The following MTUS2 variants were observed in gnomAD, a reference collection of about 807,000 sequenced individuals.
MTUS2 encodes the protein microtubule associated scaffold protein 2.
Under a neutral mutation model 114.1 loss-of-function variants are expected in MTUS2, and 40 were observed. The observed-to-expected ratio is 0.35, with a 90% CI of 0.27 to 0.46. The LOEUF is 0.46. Among genes scored for constraint, MTUS2 ranks in the 20% least tolerant of loss-of-function variants. MTUS2 has a pLI of 1.00. For missense variants in MTUS2, 1,679 were observed against 1,705.4 expected (o/e 0.98, Z 0.27); for synonymous variants, 688 against 672.0 (o/e 1.02, Z -0.37).
At chr13:29,444,488 G>A (rs1031423692) in intron 9 of MTUS2, among the ~76,000 whole-genome samples, 1 of 152,240 alleles carries the variant, frequency 6.6e-6, no homozygotes, top group African/African-American at 2.4e-5. Context: ...CTTTGTCTGT[G>A]TTCACAGGCC....
chr13:29,461,692 C>T (rs1566214288), intron 9 of MTUS2, among the ~76,000 whole-genome samples: 1 of 152,116 alleles, frequency 6.6e-6, no homozygotes. Context: ...AGGCAGAAAC[C>T]ACACCAGATA....
intron 2 of MTUS2, among the ~76,000 whole-genome samples, chr13:29,003,627 A>G (rs576857380): frequency 1.3e-5 from 2 of 152,192 alleles, no homozygotes; most frequent in Admixed American, 1.3e-4. Context: ...AAAAATATGC[A>G]GTGTTTTCCC....
rs945954276 is a variant in MTUS2, at chr13:29,024,600, G to A, written c.-99G>A. On this transcript the variant is annotated 5_prime_UTR_variant, in exon 3 of 16. Transcript: ENST00000612955. Reference sequence around the variant, plus strand: ...AGGTGACATTGTCAGGGGAGAACAAGCAGCTTGAGAATTTCCTCTTAATCT... The same window carrying A: ...AGGTGACATTGTCAGGGGAGAACAAACAGCTTGAGAATTTCCTCTTAATCT... 4 of 1,426,182 alleles carry A rather than the reference G, an allele frequency of 2.8e-6. No individual in the cohort carries two copies. The Admixed American group carries it at 6.3e-5, about 22-fold the overall frequency. The allele number at this position is 1,426,182 out of a possible 1,614,324, so 88.3% of individuals were successfully genotyped here.
chr13:29,178,069 C>T (rs1265306100), intron 5 of MTUS2, among the ~76,000 whole-genome samples: 6 of 152,154 alleles, frequency 3.9e-5, no homozygotes, highest in Non-Finnish European at 8.8e-5. Flanking sequence ...TGGTTGGCTG[C>T]AGTCCTTCAT....
intron 2 of MTUS2, among the ~76,000 whole-genome samples, chr13:28,872,295 C>T (rs1458044662): frequency 6.6e-6 from 1 of 151,808 alleles, no homozygotes. Context: ...TTGAACAGCA[C>T]TCCTAGGTTT....
intron 1 of MTUS2, among the ~76,000 whole-genome samples, chr13:28,831,483 G>A (rs1266595635): frequency 6.6e-6 from 1 of 152,144 alleles, no homozygotes; most frequent in Non-Finnish European, 1.5e-5. Flanking sequence ...AATAAAAGGA[G>A]AGCTGGAATG....
At chr13:29,137,414 G>A (rs952786822) in intron 5 of MTUS2, among the ~76,000 whole-genome samples, 1 of 151,490 alleles carries the variant, frequency 6.6e-6, no homozygotes, top group African/African-American at 2.4e-5. Context: ...GGGGATTTTT[G>A]GCCATTATTT....
intron 10 of MTUS2, among the ~76,000 whole-genome samples, chr13:29,487,021 T>C (rs1271004522): frequency 6.6e-6 from 1 of 152,024 alleles, no homozygotes. Flanking sequence ...TCAGGAAACA[T>C]GAAAATGAAG....
intron 4 of MTUS2, among the ~76,000 whole-genome samples, chr13:29,094,283 T>G (rs990279010): frequency 6.6e-6 from 1 of 152,138 alleles, no homozygotes; most frequent in African/African-American, 2.4e-5. Flanking sequence ...ATATTAATTC[T>G]TCTTTAAATG....
At chr13:29,457,706 T>C (rs2138773607) in intron 9 of MTUS2, among the ~76,000 whole-genome samples, 2 of 152,262 alleles carry the variant, frequency 1.3e-5, no homozygotes, top group African/African-American at 4.8e-5. Flanking sequence ...AGTTTAACAT[T>C]AGAGAAAACA....
intron 5 of MTUS2, among the ~76,000 whole-genome samples, chr13:29,108,055 T>C (rs983562157): frequency 1.2e-4 from 19 of 152,232 alleles, no homozygotes; most frequent in Non-Finnish European, 2.2e-4. Context: ...ATGAATACTA[T>C]AAAATACATT....
At chr13:29,491,132 G>A (rs1882041985) in intron 11 of MTUS2, among the ~76,000 whole-genome samples, 1 of 150,402 alleles carries the variant, frequency 6.6e-6, no homozygotes, top group African/African-American at 2.4e-5. Context: ...GGGTGTGCAT[G>A]TGTGTGTATA....
intron 7 of MTUS2, among the ~76,000 whole-genome samples, chr13:29,351,891 A>G (rs563532262): frequency 6.6e-6 from 1 of 152,040 alleles, no homozygotes; most frequent in African/African-American, 2.4e-5. Flanking sequence ...CTGGGATTAC[A>G]GGCATGAGTG....
chr13:29,381,664 A>G (rs759524158), intron 8 of MTUS2, among the ~76,000 whole-genome samples: 3 of 152,146 alleles, frequency 2.0e-5, no homozygotes, highest in Admixed American at 6.6e-5. Flanking sequence ...TCCAACATCA[A>G]AGCCCACGTT....
intron 9 of MTUS2, among the ~76,000 whole-genome samples, chr13:29,465,255 T>G (rs1470744520): frequency 6.6e-6 from 1 of 152,160 alleles, no homozygotes; most frequent in African/African-American, 2.4e-5. Flanking sequence ...ATTATCCCAT[T>G]TAAACCTCAC....
intron 8 of MTUS2, among the ~76,000 whole-genome samples, chr13:29,435,142 C>T (rs1715063072): frequency 6.6e-6 from 1 of 152,190 alleles, no homozygotes; most frequent in Non-Finnish European, 1.5e-5. Flanking sequence ...TAAGAAGAAA[C>T]AGCTGCTGTT....
chr13:29,073,936 T>C (rs1889062774), intron 4 of MTUS2, among the ~76,000 whole-genome samples: 1 of 152,092 alleles, frequency 6.6e-6, no homozygotes, highest in Non-Finnish European at 1.5e-5. Flanking sequence ...CCCCCAAGCC[T>C]CTCAACTAAT....
At chr13:29,220,886 A>G (rs1218572835) in intron 5 of MTUS2, among the ~76,000 whole-genome samples, 1 of 152,246 alleles carries the variant, frequency 6.6e-6, no homozygotes, top group African/African-American at 2.4e-5. Context: ...TGCAAAACAC[A>G]AGAAAGCAAA....
chr13:29,039,952 G>A lies in MTUS2; in HGVS notation c.2446+5827G>A, dbSNP rs149128162. 6.1e-4 allele frequency among the ~76,000 whole-genome samples: 93 copies of A among 152,164 alleles called. No individual in the cohort carries two copies. In the East Asian group the frequency reaches 0.012, roughly 20 times the overall value. ...TCTGAACACTACTGTCATTTCTCTC[G>A]TTTAATTTCTCTTTATTTTTGAAAT... On this transcript the variant is annotated intron_variant, in intron 4 of 15. Transcript: ENST00000612955.
Sources: allele counts gnomAD v4.1 joint callset (sites outside exome capture counted in the v4.1 genomes callset), GRCh38; gene constraint gnomAD v4.1.1; transcripts MANE v1.5; gene names NCBI Gene and HGNC (gene_info 2026-07-23, HGNC 2026-07-21).